The following INO80 variants were observed in gnomAD, a reference collection of about 807,000 sequenced individuals.
INO80 encodes the protein INO80 complex ATPase subunit, also known as chromatin-remodeling ATPase INO80.
INO80 carries 20 observed loss-of-function variants against 203.4 expected under a neutral mutation model. The observed-to-expected ratio is 0.10, with a 90% CI of 0.07 to 0.14. The LOEUF is 0.14. INO80 is among the 10% of genes least tolerant of loss of function. INO80 has a pLI of 1.00. For missense variants in INO80, 1,419 were observed against 1,914.4 expected, an observed-to-expected ratio of 0.74 and a Z score of 4.83; for synonymous variants, 726 against 685.2, an observed-to-expected ratio of 1.06 and a Z score of -0.93.
intron 24 of INO80, among the ~76,000 whole-genome samples, chr15:41,036,158 A>AG (rs2044570698): frequency 3.1e-5 from 4 of 128,114 alleles, no homozygotes; most frequent in Non-Finnish European, 4.7e-5. Context: ...TCTCTCTCGA[A>AG]AAAAAAAAAA....
At chr15:41,047,560 A>C in intron 22 of INO80, 59 bp from the exon 23 acceptor site, 1 of 1,180,084 alleles carries the variant, frequency 8.5e-7, no homozygotes, top group Admixed American at 2.0e-5. Context: ...TGCTCAGTTA[A>C]AGCCTGCTCA....
intron 29 of INO80, among the ~76,000 whole-genome samples, chr15:40,996,288 A>G (rs548996368): frequency 8.1e-4 from 124 of 152,334 alleles, no homozygotes; most frequent in Non-Finnish European, 1.5e-3. Flanking sequence ...CTTATTAAAT[A>G]TATTTGAATC....
At chr15:41,031,852 A>G (rs948403887) in intron 24 of INO80, among the ~76,000 whole-genome samples, 7 of 152,060 alleles carry the variant, frequency 4.6e-5, no homozygotes, top group Non-Finnish European at 8.8e-5. Context: ...GCACCATACA[A>G]AAGTCTCAAG....
intron 1 of INO80, among the ~76,000 whole-genome samples, chr15:41,106,507 T>C (rs1234900143): frequency 3.3e-5 from 5 of 151,712 alleles, no homozygotes; most frequent in African/African-American, 9.7e-5. Context: ...GGCATACCTG[T>C]AGTCCCAGCC....
At chr15:40,991,345 A>C (rs187789849) in intron 29 of INO80, among the ~76,000 whole-genome samples, 2 of 152,298 alleles carry the variant, frequency 1.3e-5, no homozygotes, top group Admixed American at 1.3e-4. Flanking sequence ...GTTAAGAACA[A>C]GAGTGAGAGA....
chr15:41,015,995 T>C, intron 27 of INO80, 93 bp downstream of exon 27: 2 of 927,598 alleles, frequency 2.2e-6, no homozygotes. Flanking sequence ...GTTTTGGGGC[T>C]CCCATTAAGC....
Position 41,023,100 on chromosome 15 carries a change from C to CA in INO80, c.3049-1976dup, listed in dbSNP as rs5812181. The CA allele has an allele frequency of 7.7e-3, 2,319 of 301,246 alleles. 1 individual carries two copies. Among genetic ancestry groups the CA allele is most frequent in the South Asian group, 0.019 (776 of 40,102 alleles). The allele number at this position is 301,246 out of a possible 1,614,324, so 18.7% of individuals were successfully genotyped here. ...TGGGCAACAGGGTGACAGACTGTCT[C>CA]AAAAAAAAAAAAAAAAAAGTTAAAA... is the stretch of plus-strand genomic sequence containing the variant. On this transcript the variant is annotated intron_variant, in intron 25 of 35. Transcript: ENST00000648947.
intron 12 of INO80, 79 bp downstream of exon 12, chr15:41,071,770 A>G: frequency 7.7e-7 from 1 of 1,306,198 alleles, no homozygotes; most frequent in South Asian, 1.3e-5. Context: ...CAGATCTTGT[A>G]CTCATTTCAC....
chr15:41,060,405 A>G (rs1566933222), intron 14 of INO80, among the ~76,000 whole-genome samples: 2 of 152,122 alleles, frequency 1.3e-5, no homozygotes, highest in East Asian at 1.9e-4. Context: ...CCTGGCCAAC[A>G]TGGTGAAACG....
chr15:41,071,815 T>C (rs2045323153), intron 12 of INO80, 34 bp downstream of exon 12: 1 of 1,521,786 alleles, frequency 6.6e-7, no homozygotes, highest in Non-Finnish European at 9.1e-7. Flanking sequence ...GGAAAAGAGA[T>C]AATAGAAGAG....
intron 13 of INO80, among the ~76,000 whole-genome samples, chr15:41,069,930 C>G (rs1171678836): frequency 6.6e-6 from 1 of 152,146 alleles, no homozygotes; most frequent in Non-Finnish European, 1.5e-5. Context: ...GACACACTGA[C>G]TTGTATGTAT....
At chr15:41,096,102 A>G (rs1159934769) in intron 2 of INO80, 66 bp downstream of exon 2, 1 of 1,497,616 alleles carries the variant, frequency 6.7e-7, no homozygotes, top group Non-Finnish European at 9.0e-7. Flanking sequence ...TTAATCCTGT[A>G]AAATCTGTAA....
chr15:41,072,960 T>C (rs2045346675), intron 11 of INO80, among the ~76,000 whole-genome samples: 1 of 151,938 alleles, frequency 6.6e-6, no homozygotes, highest in Non-Finnish European at 1.5e-5. Context: ...TTTTGTATTT[T>C]AGTAGAGATG....
rs1379659751 is a variant in INO80 at position 40,979,328 on chromosome 15, GC to G, written c.*894del. The stretch of plus-strand genomic sequence containing the variant: ...GGCTGGGAGGGCCGGTGCCGAGCCT[GC>G]CCCCTCTCTCCGCCCTCTTCACCTC... On this transcript the variant is annotated 3_prime_UTR_variant, in exon 36 of 36. Coordinates refer to ENST00000648947, the MANE Select transcript of INO80 (RefSeq NM_017553.3). 2 of 152,812 alleles carry G rather than the reference GC, an allele frequency of 1.3e-5. No homozygotes were observed. Among genetic ancestry groups the G allele is most frequent in the Admixed American group, 6.5e-5 (1 of 15,278 alleles). The allele number at this position is 152,812 out of a possible 1,614,324, so 9.5% of individuals were successfully genotyped here.
intron 1 of INO80, among the ~76,000 whole-genome samples, chr15:41,104,294 A>C (rs1566950893): frequency 6.6e-6 from 1 of 152,094 alleles, no homozygotes; most frequent in Non-Finnish European, 1.5e-5. Flanking sequence ...AGGATGAAAG[A>C]ACTATTCAAT....
intron 5 of INO80, among the ~76,000 whole-genome samples, chr15:41,090,957 C>T (rs1172805622): frequency 1.5e-5 from 2 of 137,386 alleles, no homozygotes; most frequent in African/African-American, 2.9e-5. Context: ...TGAAGTCTTG[C>T]TCTGTCACCC....
At chr15:41,046,000 G>A (rs2044752010) in intron 23 of INO80, among the ~76,000 whole-genome samples, 1 of 151,558 alleles carries the variant, frequency 6.6e-6, no homozygotes, top group Admixed American at 6.6e-5. Flanking sequence ...CCAGAGAACA[G>A]AGAATTAAAC....
rs749476125 is a variant in INO80, at chr15:41,069,594, A to G, written c.1758T>C (p.Phe586=). ...CCTTAAATTTAGGAACAAATCTAGT[A>G]AACTCCTGGTGCCAATTGTTAAGTG... The part of the protein sequence containing the change: ...ASTLNNWHQE[F]TRFVPKFKVL... Residue 586 remains phenylalanine, a synonymous_variant, in exon 14 of 36, where the codon TTT becomes TTC. Coordinates refer to ENST00000648947, the MANE Select transcript of INO80 (RefSeq NM_017553.3). The G allele has an allele frequency of 3.1e-6, 5 of 1,604,540 alleles. No homozygotes were observed. Among genetic ancestry groups the G allele is most frequent in the Non-Finnish European group, 4.3e-6 (5 of 1,172,956 alleles).
At chr15:41,093,198 G>A (rs1163363421) in intron 4 of INO80, among the ~76,000 whole-genome samples, 9 of 151,830 alleles carry the variant, frequency 5.9e-5, no homozygotes, top group African/African-American at 1.4e-4. Flanking sequence ...AGGCTGAGGC[G>A]GGGGGATCAC....
Sources: gnomAD v4.1 joint callset for allele counts (sites outside exome capture counted in the v4.1 genomes callset) on GRCh38, gnomAD v4.1.1 for gene constraint, MANE v1.5 for transcripts, NCBI Gene and HGNC (gene_info 2026-07-23, HGNC 2026-07-21) for gene names.